NALCN: variants seen among roughly 807,000 people sequenced by gnomAD.
The protein encoded by NALCN is sodium leak channel, non-selective, also known as sodium leak channel NALCN.
Under a neutral mutation model 225.3 loss-of-function variants are expected in NALCN, and 111 were observed. The ratio of observed to expected loss-of-function variants is 0.49; its 90% CI spans 0.42 to 0.58. The LOEUF is 0.58. NALCN is among the 20% of genes least tolerant of loss of function. The pLI, the probability that NALCN is intolerant of heterozygous loss-of-function variation, is 0.00. For synonymous variants in NALCN, 764 were observed against 769.0 expected (o/e 0.99, Z 0.11); for missense variants, 1,378 against 2,202.4 (o/e 0.63, Z 7.49).
At chr13:101,335,888 G>C (rs547193069) in intron 7 of NALCN, among the ~76,000 whole-genome samples, 10 of 152,008 alleles carry the variant, frequency 6.6e-5, no homozygotes, top group African/African-American at 2.4e-4. Context: ...ACATATGGTA[G>C]CATGAAATAT....
intron 15 of NALCN, among the ~76,000 whole-genome samples, chr13:101,156,488 C>CTTATA (rs1307702047): frequency 6.6e-6 from 1 of 152,148 alleles, no homozygotes; most frequent in East Asian, 1.9e-4. Context: ...ATATATTTAC[C>CTTATA]TACGTATGTA....
At chr13:101,340,964 G>C (rs2045539779) in intron 7 of NALCN, among the ~76,000 whole-genome samples, 1 of 151,602 alleles carries the variant, frequency 6.6e-6, no homozygotes, top group South Asian at 2.1e-4. Context: ...AGTTTATCAT[G>C]CATTCTCATC....
At chr13:101,094,119 A>G (rs148285790) in intron 28 of NALCN, among the ~76,000 whole-genome samples, 269 of 152,294 alleles carry the variant, frequency 1.8e-3, no homozygotes, top group African/African-American at 6.3e-3. Context: ...GCTCCTGGAA[A>G]CACACCTACG....
intron 22 of NALCN, among the ~76,000 whole-genome samples, chr13:101,105,876 G>A (rs1474339831): frequency 6.6e-6 from 1 of 152,112 alleles, no homozygotes; most frequent in East Asian, 1.9e-4. Context: ...GTTGAAGGAG[G>A]GGGCACACAA....
chr13:101,405,088 A>C (rs1279140739), intron 1 of NALCN, among the ~76,000 whole-genome samples: 5 of 152,210 alleles, frequency 3.3e-5, no homozygotes, highest in African/African-American at 1.2e-4. Flanking sequence ...ACAGAACTCA[A>C]AACAACAAAC....
At chr13:101,354,855 G>T (rs141153555) in intron 6 of NALCN, among the ~76,000 whole-genome samples, 48 of 152,122 alleles carry the variant, frequency 3.2e-4, no homozygotes, top group Non-Finnish European at 6.5e-4. Context: ...ACATACTAAC[G>T]ACTCCCTGAT....
intron 7 of NALCN, among the ~76,000 whole-genome samples, chr13:101,295,565 AAACTTCTAC>A (rs2043717926): frequency 6.6e-6 from 1 of 152,224 alleles, no homozygotes; most frequent in African/African-American, 2.4e-5. Context: ...AGTAGCCTTG[AAACTTCTAC>A]TCCATTTTTT....
chr13:101,363,727 A>G (rs1403328270), intron 6 of NALCN, among the ~76,000 whole-genome samples: 2 of 152,154 alleles, frequency 1.3e-5, no homozygotes, highest in African/African-American at 4.8e-5. Flanking sequence ...GCAAAAATAG[A>G]TAAATGGAAT....
intron 6 of NALCN, among the ~76,000 whole-genome samples, chr13:101,360,232 T>TCTCCC (rs2046213894): frequency 1.2e-5 from 1 of 85,552 alleles, no homozygotes; most frequent in Non-Finnish European, 2.9e-5. Context: ...CTCTCTCTCC[T>TCTCCC]TCCTTCCTTC....
intron 2 of NALCN, 94 bp downstream of exon 2, chr13:101,398,925 T>A: frequency 2.6e-6 from 2 of 762,178 alleles, no homozygotes; most frequent in Non-Finnish European, 2.3e-6. Context: ...GCAGCTCAGA[T>A]ATTTCGAAGC....
rs1363602162 is a variant in NALCN at position 101,243,183 on chromosome 13, A to ATTAT, written c.1267-5265_1267-5262dup. 2.1e-5 allele frequency among the ~76,000 whole-genome samples: 2 copies of ATTAT among 95,742 alleles called. 1 individual carries two copies. Among genetic ancestry groups the ATTAT allele is most frequent in the Non-Finnish European group, 4.5e-5 (2 of 44,184 alleles). 62.8% of individuals were successfully genotyped at this position (95,742 alleles called of 152,430 possible). ...TTCGCTTTTTCCTTCAGGGACTCCT[A>ATTAT]TTATTCATAGCTGTGTGGATAGGCT... On this transcript the variant is annotated intron_variant, in intron 11 of 43. Transcript: ENST00000251127.
At chr13:101,238,883 G>A (rs1371736395) in intron 11 of NALCN, among the ~76,000 whole-genome samples, 3 of 151,812 alleles carry the variant, frequency 2.0e-5, no homozygotes, top group African/African-American at 7.2e-5. Flanking sequence ...TAATAATAGT[G>A]TTTTAAGAAA....
intron 7 of NALCN, among the ~76,000 whole-genome samples, chr13:101,340,963 T>G (rs1367804899): frequency 6.6e-6 from 1 of 151,788 alleles, no homozygotes; most frequent in Non-Finnish European, 1.5e-5. Flanking sequence ...GAGTTTATCA[T>G]GCATTCTCAT....
intron 15 of NALCN, among the ~76,000 whole-genome samples, chr13:101,149,860 C>G (rs2037548563): frequency 1.3e-5 from 2 of 152,194 alleles, no homozygotes; most frequent in South Asian, 4.1e-4. Context: ...GCAGCATCAA[C>G]TAAAAATGAG....
Position 101,104,563 on chromosome 13 carries a change from C to T in NALCN, c.2724G>A (p.Pro908=), listed in dbSNP as rs376942391. The T allele has an allele frequency of 6.3e-5, 101 of 1,613,966 alleles. No individual in the cohort carries two copies. Among genetic ancestry groups the T allele is most frequent in the African/African-American group, 4.0e-4 (30 of 75,008 alleles). Reference sequence around the variant, plus strand: ...TAGGTGCATGCATGACTCTTCGAAACGGGGACTCAAACATCATGGAAATGC... The same window carrying T: ...TAGGTGCATGCATGACTCTTCGAAATGGGGACTCAAACATCATGGAAATGC... The part of the protein sequence containing the change: ...CSCISMMFES[P]FRRVMHAPTL... Residue 908 remains proline (P), a synonymous_variant, in exon 24 of 44, where the codon CCG becomes CCA. Coordinates refer to ENST00000251127, the MANE Select transcript of NALCN (RefSeq NM_052867.4). This position sits in a 1 kb window ranked among gnomAD's most constrained non-coding sequence, Gnocchi z 4.2.
chr13:101,128,818 C>T (rs2139719245), intron 17 of NALCN, among the ~76,000 whole-genome samples: 1 of 152,132 alleles, frequency 6.6e-6, no homozygotes, highest in Middle Eastern at 3.4e-3. Context: ...CTGCCGTGGC[C>T]TCCCAATATG....
intron 10 of NALCN, among the ~76,000 whole-genome samples, chr13:101,267,635 T>G (rs1204269742): frequency 2.6e-5 from 4 of 152,216 alleles, no homozygotes; most frequent in African/African-American, 9.6e-5. Context: ...CCTAGCCTGT[T>G]GCATGGTGGC....
At chr13:101,168,003 T>C (rs1466607685) in intron 15 of NALCN, among the ~76,000 whole-genome samples, 1 of 152,208 alleles carries the variant, frequency 6.6e-6, no homozygotes, top group African/African-American at 2.4e-5. Context: ...GGTGCTACTG[T>C]AAATGGGATT....
chr13:101,057,925 C>T lies in NALCN; in HGVS notation c.5023+14G>A. ...AATGCCTCGATCGCTGGAGAAATGC[C>T]TGGATGGACCTACCTGAGGGCAGAC... On this transcript the variant is annotated intron_variant, in intron 43 of 43. Coordinates refer to ENST00000251127, the MANE Select transcript of NALCN (RefSeq NM_052867.4). 1 of 1,596,636 alleles carries T rather than the reference C, an allele frequency of 6.3e-7. No individual in the cohort carries two copies. Among genetic ancestry groups the T allele is most frequent in the Non-Finnish European group, 8.6e-7 (1 of 1,164,348 alleles).
Sources: gnomAD v4.1 joint callset for allele counts (sites outside exome capture counted in the v4.1 genomes callset) on GRCh38, gnomAD v4.1.1 for gene constraint, Gnocchi (gnomAD v3.1) non-coding constraint, MANE v1.5 for transcripts, NCBI Gene and HGNC (gene_info 2026-07-23, HGNC 2026-07-21) for gene names.